Variants in TJP1 observed in about 807,000 individuals in gnomAD.
TJP1 encodes tight junction protein ZO-1.
In TJP1, 43 loss-of-function variants were observed where a neutral mutation model predicts 194.2. That is an observed-to-expected ratio of 0.22 (90% CI 0.17 to 0.29). The LOEUF (loss-of-function observed/expected upper bound fraction) is 0.29, where lower values mean the gene tolerates loss of function less well. Ranked by LOEUF, TJP1 falls within the 10% of genes least tolerant of loss-of-function variation. The pLI is 1.00. For missense variants in TJP1, 1,971 were observed against 2,185.7 expected (o/e 0.90, Z 1.96); for synonymous variants, 801 against 779.0 (o/e 1.03, Z -0.47).
chr15:29,928,813 G>T (rs958698368), intron 2 of TJP1, among the ~76,000 whole-genome samples: 2 of 151,892 alleles, frequency 1.3e-5, no homozygotes, highest in Non-Finnish European at 2.9e-5. Context: ...GTGGTGGTGG[G>T]CGCCTGTAGT....
chr15:29,833,528 A>G (rs785446), intron 2 of TJP1, among the ~76,000 whole-genome samples: 131,347 of 151,406 alleles, frequency 0.87, 57,080 homozygotes, highest in East Asian at 0.96. Context: ...CGAGTAGCTG[A>G]AATTACAGGT....
At chr15:29,704,514 G>C (rs894016555) in intron 26 of TJP1, among the ~76,000 whole-genome samples, 5 of 152,318 alleles carry the variant, frequency 3.3e-5, no homozygotes, top group African/African-American at 1.2e-4. Flanking sequence ...AAAGAAACAA[G>C]TGATATCAAA....
intron 1 of TJP1, among the ~76,000 whole-genome samples, chr15:29,806,677 G>A (rs1316504873): frequency 2.0e-5 from 3 of 152,130 alleles, no homozygotes; most frequent in Non-Finnish European, 2.9e-5. Flanking sequence ...AGGAACTTAA[G>A]GAGAAGGACA....
intron 2 of TJP1, among the ~76,000 whole-genome samples, chr15:29,871,089 G>C (rs1409657754): frequency 6.6e-6 from 1 of 152,116 alleles, no homozygotes; most frequent in Non-Finnish European, 1.5e-5. Flanking sequence ...GTTCTCACTG[G>C]ACAAAGGAAA....
At chr15:29,911,980 G>C (rs887058730) in intron 2 of TJP1, among the ~76,000 whole-genome samples, 1 of 152,054 alleles carries the variant, frequency 6.6e-6, no homozygotes, top group African/African-American at 2.4e-5. Context: ...TAGTCACCTG[G>C]GCTGCTATAA....
chr15:29,708,196 CAA>C (rs770746842), intron 25 of TJP1, among the ~76,000 whole-genome samples: 29 of 63,512 alleles, frequency 4.6e-4, no homozygotes, highest in East Asian at 1.1e-3. Flanking sequence ...ACTCTTGTCT[CAA>C]AAAAAAAAAA....
intron 8 of TJP1, among the ~76,000 whole-genome samples, chr15:29,747,295 T>A (rs1486630833): frequency 1.3e-5 from 2 of 152,012 alleles, no homozygotes; most frequent in East Asian, 3.9e-4. Context: ...AATAAATAAA[T>A]AAATAAATAC....
At chr15:29,727,093 T>C in intron 16 of TJP1, 102 bp from the exon 17 acceptor site, 2 of 1,047,282 alleles carry the variant, frequency 1.9e-6, no homozygotes, top group Non-Finnish European at 2.8e-6. Flanking sequence ...CCTATAATCC[T>C]AGCACTTTGG....
intron 8 of TJP1, among the ~76,000 whole-genome samples, chr15:29,754,958 G>A (rs1304469581): frequency 6.6e-6 from 1 of 152,130 alleles, no homozygotes; most frequent in Non-Finnish European, 1.5e-5. Context: ...AAACAATTAT[G>A]GAAGGTAGAG....
In TJP1 at chr15:29,892,683, C is replaced by T. The variant is rs116913799; in HGVS notation, c.306+63549G>A. Among the ~76,000 whole-genome samples the T allele has an allele frequency of 1.1e-4, 17 of 152,274 alleles. No homozygotes were observed. The East Asian group carries it at 2.3e-3, about 21-fold the overall frequency. ...TACCCTATAAAAGGAACAACAAAGT[C>T]GGGATAGCAGCACTCTGTTTACAGC... On this transcript the variant is annotated intron_variant, in intron 2 of 28. Transcript: ENST00000356107.
chr15:29,962,876 C>A (rs143250112), intron 1 of TJP1, among the ~76,000 whole-genome samples: 4 of 152,164 alleles, frequency 2.6e-5, no homozygotes, highest in East Asian at 1.9e-4. Context: ...CAGTGGCTCA[C>A]GCCTGTTATC....
intron 2 of TJP1, among the ~76,000 whole-genome samples, chr15:29,912,164 G>A (rs1176875574): frequency 6.6e-6 from 1 of 152,178 alleles, no homozygotes; most frequent in African/African-American, 2.4e-5. Flanking sequence ...GAAAGGCACT[G>A]GTCCCCTTCT....
upstream of TJP1, among the ~76,000 whole-genome samples, chr15:29,824,508 A>G (rs545381561): frequency 1.3e-4 from 19 of 151,886 alleles, no homozygotes; most frequent in African/African-American, 4.6e-4. Flanking sequence ...CCAAGACCAG[A>G]GGATTCTTTG....
At chr15:29,907,281 C>G (rs528753301) in intron 2 of TJP1, among the ~76,000 whole-genome samples, 4 of 151,896 alleles carry the variant, frequency 2.6e-5, no homozygotes, top group African/African-American at 7.3e-5. Context: ...TGGTGGCGGG[C>G]GCCTGTAGCC....
At chr15:29,776,928 T>C (rs2047051542) in intron 2 of TJP1, among the ~76,000 whole-genome samples, 1 of 152,174 alleles carries the variant, frequency 6.6e-6, no homozygotes, top group Admixed American at 6.5e-5. Flanking sequence ...AAGGTACTCA[T>C]TCATTTTGGA....
chr15:29,836,281 T>G (rs2051025917), intron 2 of TJP1, among the ~76,000 whole-genome samples: 1 of 151,934 alleles, frequency 6.6e-6, no homozygotes. Flanking sequence ...CAACTTTTTT[T>G]TTTTTTTTGA....
Position 29,709,056 on chromosome 15 carries a change from A to C in TJP1, c.4373-20T>G. On this transcript the variant is annotated intron_variant, in intron 24 of 27. Coordinates refer to ENST00000614355, the MANE Select transcript of TJP1 (RefSeq NM_001330239.4). ...AATTACCTGAAAAACAAACGTAAGCATTTAAATAACTTTCTGAAAAAAGTT... is the reference window on the plus strand; with the variant it reads ...AATTACCTGAAAAACAAACGTAAGCCTTTAAATAACTTTCTGAAAAAAGTT... 1.3e-6 allele frequency: 2 copies of C among 1,590,466 alleles called. No individual in the cohort carries two copies.
At chr15:29,868,876 A>C (rs1484329155) in intron 2 of TJP1, among the ~76,000 whole-genome samples, 1 of 152,190 alleles carries the variant, frequency 6.6e-6, no homozygotes, top group Admixed American at 6.5e-5. Flanking sequence ...ACAGATAATA[A>C]ATCTTCACAT....
chr15:29,699,949 G>A (rs2041442701), downstream of TJP1: 3 of 240,336 alleles, frequency 1.2e-5, no homozygotes, highest in Admixed American at 5.6e-5. Flanking sequence ...AGGTCCTTCT[G>A]CCCCACTTCA....
Sources: gnomAD v4.1 joint callset for allele counts (sites outside exome capture counted in the v4.1 genomes callset) on GRCh38, gnomAD v4.1.1 for gene constraint, MANE v1.5 for transcripts, NCBI Gene and HGNC (gene_info 2026-07-23, HGNC 2026-07-21) for gene names.